The following NCALD variants were observed in gnomAD, a reference collection of about 807,000 sequenced individuals.
NCALD encodes neurocalcin delta, also known as neurocalcin-delta.
A neutral mutation model predicts 18.6 loss-of-function variants in NCALD; 10 were observed. That is an observed-to-expected ratio of 0.54 (90% CI 0.33 to 0.91). The LOEUF is 0.91. Among genes scored for constraint, NCALD ranks in the 40% least tolerant of loss-of-function variants. The pLI is 0.03. For synonymous variants in NCALD, 88 were observed against 87.4 expected, an observed-to-expected ratio of 1.01 and a Z score of -0.04; for missense variants, 184 against 247.6, an observed-to-expected ratio of 0.74 and a Z score of 1.72.
At chr8:101,776,640 G>A (rs1441901821) in intron 1 of NCALD, among the ~76,000 whole-genome samples, 1 of 152,052 alleles carries the variant, frequency 6.6e-6, no homozygotes, top group Non-Finnish European at 1.5e-5. Context: ...CAGGCAACAG[G>A]GGCCCAAGGA....
intron 2 of NCALD, among the ~76,000 whole-genome samples, chr8:101,927,965 A>C (rs922212748): frequency 2.9e-4 from 44 of 152,204 alleles, no homozygotes; most frequent in African/African-American, 1.1e-3. Flanking sequence ...ATATTTTAAC[A>C]AATATTTTCA....
chr8:101,879,806 T>C (rs1747691806), intron 4 of NCALD, among the ~76,000 whole-genome samples: 2 of 152,168 alleles, frequency 1.3e-5, no homozygotes, highest in East Asian at 3.9e-4. Flanking sequence ...ATTGGTGCAT[T>C]CACAAACCTT....
intron 3 of NCALD, among the ~76,000 whole-genome samples, chr8:101,911,963 A>G (rs1042817982): frequency 1.3e-5 from 2 of 152,160 alleles, no homozygotes; most frequent in Non-Finnish European, 2.9e-5. Flanking sequence ...ATACCTAAAT[A>G]TAAGGGTTTC....
intron 2 of NCALD, among the ~76,000 whole-genome samples, chr8:101,967,809 A>G (rs1011925650): frequency 6.6e-6 from 1 of 151,840 alleles, no homozygotes; most frequent in Admixed American, 6.6e-5. Flanking sequence ...TCCCAGCATC[A>G]GAGCAGCTTG....
intron 2 of NCALD, among the ~76,000 whole-genome samples, chr8:101,985,266 G>A (rs894434748): frequency 6.6e-6 from 1 of 152,052 alleles, no homozygotes; most frequent in Admixed American, 6.5e-5. Context: ...ATGTGAGTGA[G>A]CCGTCTTGAA....
intron 1 of NCALD, among the ~76,000 whole-genome samples, chr8:102,082,786 G>A (rs374826171): frequency 6.6e-6 from 1 of 152,176 alleles, no homozygotes; most frequent in African/African-American, 2.4e-5. Flanking sequence ...TTTCCTGGCC[G>A]TAAGAGGCTG....
chr8:102,082,907 A>G (rs973066709), intron 1 of NCALD, among the ~76,000 whole-genome samples: 1 of 152,236 alleles, frequency 6.6e-6, no homozygotes, highest in Admixed American at 6.5e-5. Flanking sequence ...TTCTGACTCA[A>G]ATAATTTGCC....
chr8:101,730,479 CAAAAAAAAA>C (rs869241027), intron 1 of NCALD, among the ~76,000 whole-genome samples: 2 of 43,670 alleles, frequency 4.6e-5, no homozygotes, highest in Non-Finnish European at 8.7e-5. Context: ...GACTCCATCT[CAAAAAAAAA>C]AAAAAAAAAA....
intron 2 of NCALD, among the ~76,000 whole-genome samples, chr8:101,919,580 A>T (rs551985826): frequency 6.6e-6 from 1 of 152,292 alleles, no homozygotes; most frequent in Admixed American, 6.5e-5. Flanking sequence ...AACTATCAAC[A>T]GAGTAAACAG....
At chr8:102,001,364 T>G (rs1204955250) in intron 2 of NCALD, among the ~76,000 whole-genome samples, 1 of 152,098 alleles carries the variant, frequency 6.6e-6, no homozygotes, top group African/African-American at 2.4e-5. Flanking sequence ...CTCCAAGAAA[T>G]ATGGGACTAT....
At chr8:102,080,492 T>G (rs925708397) in intron 1 of NCALD, among the ~76,000 whole-genome samples, 1 of 152,204 alleles carries the variant, frequency 6.6e-6, no homozygotes, top group Non-Finnish European at 1.5e-5. Flanking sequence ...CTGTCAGAGC[T>G]GGTCATAGAA....
At chr8:102,013,358 G>A (rs1287565380) in intron 2 of NCALD, among the ~76,000 whole-genome samples, 3 of 152,202 alleles carry the variant, frequency 2.0e-5, no homozygotes, top group African/African-American at 7.2e-5. Flanking sequence ...CTCCAATACA[G>A]CAGCACTGGT....
intron 1 of NCALD, among the ~76,000 whole-genome samples, chr8:101,778,117 C>A (rs1036111886): frequency 6.6e-6 from 1 of 152,204 alleles, no homozygotes; most frequent in African/African-American, 2.4e-5. Context: ...AAAAATAAAG[C>A]CTTCCTGGTC....
At chr8:101,793,100 C>T (rs1812504684), upstream of NCALD, among the ~76,000 whole-genome samples, 1 of 152,070 alleles carries the variant, frequency 6.6e-6, no homozygotes, top group African/African-American at 2.4e-5. Flanking sequence ...CCTGTAATAC[C>T]AGCACTTTGG....
At chr8:101,988,502 G>C (rs1313814765) in intron 2 of NCALD, among the ~76,000 whole-genome samples, 2 of 152,136 alleles carry the variant, frequency 1.3e-5, no homozygotes, top group African/African-American at 2.4e-5. Flanking sequence ...CTAAAACATG[G>C]AGTTGATCAT....
chr8:101,870,199 A>G (rs1405311550), intron 4 of NCALD, among the ~76,000 whole-genome samples: 1 of 152,222 alleles, frequency 6.6e-6, no homozygotes, highest in Admixed American at 6.5e-5. Flanking sequence ...AAAATTTCCC[A>G]TCACAAATAT....
At chr8:101,830,548 C>A (rs1233952144) in intron 4 of NCALD, among the ~76,000 whole-genome samples, 28 of 141,214 alleles carry the variant, frequency 2.0e-4, no homozygotes, top group Admixed American at 2.8e-4. Context: ...GACTCCGTCT[C>A]AAAAAAAAAA....
intron 4 of NCALD, among the ~76,000 whole-genome samples, chr8:101,870,890 C>A (rs1199256876): frequency 3.5e-5 from 2 of 57,516 alleles, no homozygotes; most frequent in East Asian, 7.0e-4. Flanking sequence ...GCTCTACCAC[C>A]GCCCCCACCC....
chr8:101,763,080 G>T (rs1016248815), intron 1 of NCALD, among the ~76,000 whole-genome samples: 1 of 152,064 alleles, frequency 6.6e-6, no homozygotes, highest in African/African-American at 2.4e-5. Flanking sequence ...AATATTTATC[G>T]AGTGTATGTA....
Sources: gnomAD v4.1 joint callset for allele counts (sites outside exome capture counted in the v4.1 genomes callset) on GRCh38, gnomAD v4.1.1 for gene constraint, MANE v1.5 for transcripts, NCBI Gene and HGNC (gene_info 2026-07-23, HGNC 2026-07-21) for gene names.